The following NALF1 variants were observed in gnomAD, a reference collection of about 807,000 sequenced individuals.
NALF1 encodes the protein family with sequence similarity 155 member A.
NALF1 carries 3 observed loss-of-function variants against 48.4 expected under a neutral mutation model. That is an observed-to-expected ratio of 0.06 (90% CI 0.03 to 0.16). The LOEUF is 0.16. NALF1 is among the 10% of genes least tolerant of loss of function. NALF1 has a pLI of 1.00. For missense variants in NALF1, 526 were observed against 571.5 expected (o/e 0.92, Z 0.81); for synonymous variants, 262 against 245.7 (o/e 1.07, Z -0.62).
rs1018372969 is a variant in NALF1, at chr13:107,164,164, C to T, written c.*6333G>A. On this transcript the variant is annotated 3_prime_UTR_variant, in exon 3 of 3. Coordinates refer to ENST00000375915, the MANE Select transcript of NALF1 (RefSeq NM_001080396.3). ...GAAAGTCTGTATTCATAGATCAATG[C>T]TCATTACCTGGTCTTCACTGAAGTT... 3 of 152,152 alleles carry T rather than the reference C, an allele frequency of 2.0e-5. No homozygotes were observed. The highest frequency in any genetic ancestry group is 2.9e-5 in the Non-Finnish European group (2 of 68,032). 9.4% of individuals were successfully genotyped at this position (152,152 alleles called of 1,614,324 possible).
chr13:107,186,212 C>A (rs746782901), intron 2 of NALF1, among the ~76,000 whole-genome samples: 1 of 152,022 alleles, frequency 6.6e-6, no homozygotes, highest in African/African-American at 2.4e-5. Context: ...TAGTATCCAC[C>A]GGGGGATGCT....
chr13:107,726,289 T>C (rs889666051), intron 1 of NALF1, among the ~76,000 whole-genome samples: 10 of 152,226 alleles, frequency 6.6e-5, no homozygotes, highest in Non-Finnish European at 1.5e-4. Context: ...ACCAAATAGG[T>C]TAGCCAGAAA....
chr13:107,513,470 C>T (rs1406096900), intron 1 of NALF1, among the ~76,000 whole-genome samples: 1 of 151,898 alleles, frequency 6.6e-6, no homozygotes, highest in Non-Finnish European at 1.5e-5. Context: ...GGGAAACTAG[C>T]CATTGTTTAA....
At chr13:107,592,558 T>C (rs1878628490) in intron 1 of NALF1, among the ~76,000 whole-genome samples, 1 of 151,922 alleles carries the variant, frequency 6.6e-6, no homozygotes, top group Non-Finnish European at 1.5e-5. Context: ...AAAAAATTAA[T>C]AAATTCTACT....
chr13:107,728,537 T>G, intron 1 of NALF1, among the ~76,000 whole-genome samples: 2 of 149,360 alleles, frequency 1.3e-5, no homozygotes, highest in African/African-American at 4.9e-5. Context: ...TGTCAGGGGG[T>G]TGGGGGAAAG....
At chr13:107,860,277 G>GGA (rs1175821059) in intron 1 of NALF1, among the ~76,000 whole-genome samples, 5 of 152,036 alleles carry the variant, frequency 3.3e-5, no homozygotes, top group African/African-American at 1.2e-4. Context: ...CCTGCCCTTG[G>GGA]GATATGTCTT....
At chr13:107,756,022 C>T (rs1328064088) in intron 1 of NALF1, among the ~76,000 whole-genome samples, 1 of 152,174 alleles carries the variant, frequency 6.6e-6, no homozygotes, top group African/African-American at 2.4e-5. Context: ...TTCACAGTAT[C>T]TAATGAGGTC....
chr13:107,427,710 A>G (rs1884304589), intron 1 of NALF1, among the ~76,000 whole-genome samples: 1 of 152,204 alleles, frequency 6.6e-6, no homozygotes, highest in South Asian at 2.1e-4. Flanking sequence ...GGCTATGGCT[A>G]TTTGGCACAG....
At chr13:107,316,782 T>TTCTTAAG (rs1260429285) in intron 1 of NALF1, among the ~76,000 whole-genome samples, 1 of 150,618 alleles carries the variant, frequency 6.6e-6, no homozygotes, top group African/African-American at 2.4e-5. Flanking sequence ...TCTTTGTAGA[T>TTCTTAAG]TCTTAAGTCT....
chr13:107,416,969 G>A (rs1884100715), intron 1 of NALF1, among the ~76,000 whole-genome samples: 2 of 152,200 alleles, frequency 1.3e-5, no homozygotes, highest in Admixed American at 6.5e-5. Context: ...CCTCTCCAGT[G>A]AGGGTGGGTT....
chr13:107,368,220 C>T (rs930626451), intron 1 of NALF1, among the ~76,000 whole-genome samples: 4 of 152,094 alleles, frequency 2.6e-5, no homozygotes, highest in Non-Finnish European at 4.4e-5. Flanking sequence ...AAACTGAAGT[C>T]CATAGAAAGC....
intron 1 of NALF1, among the ~76,000 whole-genome samples, chr13:107,222,501 G>A (rs1880015481): frequency 6.6e-6 from 1 of 152,190 alleles, no homozygotes; most frequent in Non-Finnish European, 1.5e-5. Context: ...ATAACTGCAA[G>A]TAGAATTTAT....
intron 1 of NALF1, among the ~76,000 whole-genome samples, chr13:107,535,401 AT>A (rs1318422314): frequency 1.3e-5 from 2 of 152,010 alleles, no homozygotes; most frequent in East Asian, 3.9e-4. Context: ...GGGCTGTTGA[AT>A]TTTTTCAAAG....
intron 1 of NALF1, among the ~76,000 whole-genome samples, chr13:107,429,854 T>G (rs1395564767): frequency 6.6e-6 from 1 of 152,200 alleles, no homozygotes; most frequent in Non-Finnish European, 1.5e-5. Flanking sequence ...TGTAAATACA[T>G]GTTCAATCTC....
intron 1 of NALF1, among the ~76,000 whole-genome samples, chr13:107,398,455 T>C (rs1301316761): frequency 6.6e-6 from 1 of 151,920 alleles, no homozygotes; most frequent in Admixed American, 6.6e-5. Flanking sequence ...GATATGTATG[T>C]GCTCTCTCAT....
chr13:107,723,638 T>C (rs1185073464), intron 1 of NALF1, among the ~76,000 whole-genome samples: 1 of 151,958 alleles, frequency 6.6e-6, no homozygotes, highest in Non-Finnish European at 1.5e-5. Flanking sequence ...AAACAAGAAG[T>C]GTTTGATTCA....
intron 1 of NALF1, among the ~76,000 whole-genome samples, chr13:107,595,070 T>G (rs1045394979): frequency 6.6e-6 from 1 of 152,054 alleles, no homozygotes; most frequent in Non-Finnish European, 1.5e-5. Flanking sequence ...GATACACACA[T>G]AGTTAGAAAG....
At chr13:107,639,212 C>A (rs1880079378) in intron 1 of NALF1, among the ~76,000 whole-genome samples, 1 of 152,168 alleles carries the variant, frequency 6.6e-6, no homozygotes, top group South Asian at 2.1e-4. Context: ...AACTGACTTG[C>A]AAGGCAAAGT....
chr13:107,228,724 A>C lies in NALF1; in HGVS notation c.916-17969T>G, dbSNP rs551980995. Reference sequence around the variant, plus strand: ...AACCTCCGCCTCCCGGGCTCAAGCGATTCTCCTGCCTCAGCCTCATGAGTA... The same window carrying C: ...AACCTCCGCCTCCCGGGCTCAAGCGCTTCTCCTGCCTCAGCCTCATGAGTA... On this transcript the variant is annotated intron_variant, in intron 1 of 2. Transcript: ENST00000375915. Among the ~76,000 whole-genome samples the C allele has an allele frequency of 3.3e-5, 5 of 152,212 alleles. No individual in the cohort carries two copies. The East Asian group carries it at 7.7e-4, about 24-fold the overall frequency.
Sources: allele counts gnomAD v4.1 joint callset (sites outside exome capture counted in the v4.1 genomes callset), GRCh38; gene constraint gnomAD v4.1.1; transcripts MANE v1.5; gene names NCBI Gene and HGNC (gene_info 2026-07-23, HGNC 2026-07-21).